ADGRL3: variants seen among roughly 807,000 people sequenced by gnomAD.
The protein encoded by ADGRL3 is calcium-independent alpha-latrotoxin receptor 3.
A neutral mutation model predicts 153.5 loss-of-function variants in ADGRL3; 62 were observed. The observed-to-expected ratio is 0.40, with a 90% CI of 0.33 to 0.50. ADGRL3 has a LOEUF of 0.50. Among genes scored for constraint, ADGRL3 ranks in the 20% least tolerant of loss-of-function variants. The pLI is 0.47. For missense variants in ADGRL3, 1,641 were observed against 1,859.4 expected (o/e 0.88, Z 2.16); for synonymous variants, 710 against 672.5 (o/e 1.06, Z -0.86).
chr4:61,279,457 G>A (rs960963859), intron 1 of ADGRL3, among the ~76,000 whole-genome samples: 3 of 152,108 alleles, frequency 2.0e-5, no homozygotes, highest in South Asian at 2.1e-4. Context: ...ATATTGTAAC[G>A]AGAGATTTCC....
intron 21 of ADGRL3, among the ~76,000 whole-genome samples, chr4:62,023,808 T>C (rs183976968): frequency 5.8e-4 from 88 of 152,324 alleles, no homozygotes; most frequent in Non-Finnish European, 1.1e-3. Context: ...ATAACTTTTA[T>C]ACGCACTGGG....
At chr4:61,818,189 G>C (rs2097709822) in intron 9 of ADGRL3, among the ~76,000 whole-genome samples, 1 of 152,118 alleles carries the variant, frequency 6.6e-6, no homozygotes, top group Non-Finnish European at 1.5e-5. Flanking sequence ...TGGGGGTAGA[G>C]GCAGTAGATA....
At chr4:61,595,046 G>A (rs1354524960) in intron 5 of ADGRL3, among the ~76,000 whole-genome samples, 2 of 152,026 alleles carry the variant, frequency 1.3e-5, no homozygotes, top group African/African-American at 2.4e-5. Flanking sequence ...GCCAGGCCTG[G>A]AACTCACCCT....
intron 21 of ADGRL3, among the ~76,000 whole-genome samples, chr4:62,004,867 A>G (rs568742639): frequency 2.0e-5 from 3 of 152,218 alleles, no homozygotes; most frequent in East Asian, 3.9e-4. Context: ...CTGAAAGTGA[A>G]TTTAATTTGT....
At chr4:61,559,655 A>G (rs901826118) in intron 4 of ADGRL3, among the ~76,000 whole-genome samples, 6 of 151,966 alleles carry the variant, frequency 3.9e-5, no homozygotes, top group Non-Finnish European at 7.4e-5. Context: ...TTTTTCTGGC[A>G]TGCCACAAGG....
At chr4:61,361,997 A>T (rs931664091) in intron 1 of ADGRL3, among the ~76,000 whole-genome samples, 13 of 148,828 alleles carry the variant, frequency 8.7e-5, no homozygotes, top group Admixed American at 3.4e-4. Context: ...TATATATATA[A>T]ATACATATAT....
chr4:61,872,271 C>T (rs6855935), intron 9 of ADGRL3, among the ~76,000 whole-genome samples: 43,383 of 151,992 alleles, frequency 0.29, 7,153 homozygotes, highest in Admixed American at 0.4. Context: ...CTTACATAGA[C>T]ATATTAAGTA....
intron 8 of ADGRL3, among the ~76,000 whole-genome samples, chr4:61,736,680 AG>A (rs1339970833): frequency 6.6e-6 from 1 of 152,222 alleles, no homozygotes; most frequent in East Asian, 1.9e-4. Context: ...AATAAATAAA[AG>A]GATGCTATTG....
intron 2 of ADGRL3, among the ~76,000 whole-genome samples, chr4:61,444,256 T>C (rs2097557530): frequency 6.6e-6 from 1 of 152,226 alleles, no homozygotes; most frequent in African/African-American, 2.4e-5. Flanking sequence ...TTTGCCTGTG[T>C]TCATAGGCTT....
chr4:61,889,179 T>C (rs2098555832), intron 9 of ADGRL3, among the ~76,000 whole-genome samples: 1 of 152,200 alleles, frequency 6.6e-6, no homozygotes, highest in African/African-American at 2.4e-5. Context: ...CACATATTAG[T>C]GTATAACCCA....
At chr4:61,767,469 G>A (rs1236530401) in intron 8 of ADGRL3, among the ~76,000 whole-genome samples, 3 of 152,058 alleles carry the variant, frequency 2.0e-5, no homozygotes, top group Non-Finnish European at 2.9e-5. Flanking sequence ...GATTAAGAAG[G>A]GGACGGGCTT....
intron 9 of ADGRL3, among the ~76,000 whole-genome samples, chr4:61,821,539 T>C (rs965329296): frequency 5.9e-5 from 9 of 152,078 alleles, no homozygotes; most frequent in Non-Finnish European, 1.0e-4. Context: ...ATTACTACTT[T>C]TTATAAATCT....
chr4:62,054,940 T>C (rs547926368), intron 25 of ADGRL3, among the ~76,000 whole-genome samples: 43 of 151,240 alleles, frequency 2.8e-4, no homozygotes, highest in Non-Finnish European at 4.9e-4. Context: ...CATACTCTGA[T>C]TGGCAAAAAT....
intron 23 of ADGRL3, among the ~76,000 whole-genome samples, chr4:62,034,582 A>G (rs1397223286): frequency 1.3e-5 from 2 of 151,972 alleles, no homozygotes; most frequent in East Asian, 3.9e-4. Context: ...AGAAATGGTT[A>G]GGAGGTACTT....
intron 1 of ADGRL3, among the ~76,000 whole-genome samples, chr4:61,323,796 C>T (rs1370466399): frequency 6.6e-6 from 1 of 152,164 alleles, no homozygotes; most frequent in African/African-American, 2.4e-5. Context: ...CAAACTGTTC[C>T]AGTCTCTGCC....
intron 1 of ADGRL3, among the ~76,000 whole-genome samples, chr4:61,287,213 G>A (rs965009849): frequency 2.6e-5 from 4 of 151,876 alleles, no homozygotes; most frequent in African/African-American, 9.7e-5. Context: ...ATACTGCAGT[G>A]AAGACCATTT....
At chr4:61,468,124 A>G (rs2097906418) in intron 2 of ADGRL3, among the ~76,000 whole-genome samples, 3 of 152,174 alleles carry the variant, frequency 2.0e-5, no homozygotes, top group Admixed American at 1.3e-4. Flanking sequence ...ATTAAACATA[A>G]AAGGAAATAA....
chr4:61,510,283 T>A (rs182148481), intron 3 of ADGRL3, among the ~76,000 whole-genome samples: 1 of 152,322 alleles, frequency 6.6e-6, no homozygotes, highest in East Asian at 1.9e-4. Flanking sequence ...ACTTGTCAAT[T>A]TTTGGTTTTG....
intron 2 of ADGRL3, among the ~76,000 whole-genome samples, chr4:61,424,694 C>A (rs1236117367): frequency 6.6e-6 from 1 of 152,182 alleles, no homozygotes; most frequent in African/African-American, 2.4e-5. Context: ...TCCAGTTTTG[C>A]AGCACCATCT....
Sources: allele counts gnomAD v4.1 joint callset (sites outside exome capture counted in the v4.1 genomes callset), GRCh38; gene constraint gnomAD v4.1.1; transcripts MANE v1.5; gene names NCBI Gene and HGNC (gene_info 2026-07-23, HGNC 2026-07-21).